Variants in SYT16 observed in about 807,000 individuals in gnomAD.
SYT16 encodes the protein synaptotagmin-16.
In SYT16, 42 loss-of-function variants were observed where a neutral mutation model predicts 61.4. That is an observed-to-expected ratio of 0.68 (90% CI 0.53 to 0.89). SYT16 has a LOEUF of 0.89. SYT16 is among the 40% of genes least tolerant of loss of function. The pLI is 0.00. For missense variants in SYT16, 804 were observed against 807.3 expected (o/e 1.00, Z 0.05); for synonymous variants, 314 against 302.3 (o/e 1.04, Z -0.40).
At chr14:61,833,970 A>ATTT (rs544826072) in intron 1 of SYT16, among the ~76,000 whole-genome samples, 10 of 117,306 alleles carry the variant, frequency 8.5e-5, no homozygotes, top group African/African-American at 2.2e-4. Context: ...TCTGGCTTTG[A>ATTT]TTTTTTTTTT....
intron 3 of SYT16, among the ~76,000 whole-genome samples, chr14:62,024,325 G>C (rs1289316394): frequency 2.0e-5 from 3 of 152,032 alleles, no homozygotes; most frequent in African/African-American, 7.2e-5. Flanking sequence ...TCAGCTCTAA[G>C]AGTTTAAAAT....
At chr14:61,939,715 G>A (rs2140446703) in intron 1 of SYT16, among the ~76,000 whole-genome samples, 1 of 152,248 alleles carries the variant, frequency 6.6e-6, no homozygotes, top group African/African-American at 2.4e-5. Flanking sequence ...CTAGGGGTTA[G>A]GATTTCAATC....
chr14:62,036,112 C>T (rs888100993), intron 3 of SYT16, among the ~76,000 whole-genome samples: 3 of 151,704 alleles, frequency 2.0e-5, no homozygotes, highest in African/African-American at 4.8e-5. Context: ...AAGCACAGGG[C>T]GTAGGAGGAA....
chr14:62,047,559 CA>C (rs2055050505), intron 3 of SYT16, among the ~76,000 whole-genome samples: 1 of 152,092 alleles, frequency 6.6e-6, no homozygotes, highest in Non-Finnish European at 1.5e-5. Flanking sequence ...TGCCAGTTTT[CA>C]AAGGGAATGC....
intron 5 of SYT16, among the ~76,000 whole-genome samples, chr14:62,079,116 T>C (rs185239895): frequency 1.6e-3 from 241 of 152,318 alleles, no homozygotes; most frequent in Non-Finnish European, 2.8e-3. Flanking sequence ...CAAGGGAGTT[T>C]GAGAGAAGAT....
intron 1 of SYT16, among the ~76,000 whole-genome samples, chr14:61,955,991 A>G (rs953155999): frequency 4.0e-5 from 6 of 151,672 alleles, no homozygotes; most frequent in Non-Finnish European, 8.8e-5. Context: ...TCTTTCTTTC[A>G]TAATGGTCAT....
chr14:62,063,735 A>G (rs1169066504), intron 3 of SYT16, among the ~76,000 whole-genome samples: 1 of 146,978 alleles, frequency 6.8e-6, no homozygotes, highest in Admixed American at 6.8e-5. Flanking sequence ...AGAGAGAGGA[A>G]CACTCTGGCT....
At chr14:62,035,894 A>C (rs745746875) in intron 3 of SYT16, among the ~76,000 whole-genome samples, 3 of 152,220 alleles carry the variant, frequency 2.0e-5, no homozygotes, top group Non-Finnish European at 2.9e-5. Flanking sequence ...CAACTACAGT[A>C]GGATGGGGCT....
At chr14:61,866,670 C>T (rs556783773) in intron 1 of SYT16, among the ~76,000 whole-genome samples, 10 of 152,136 alleles carry the variant, frequency 6.6e-5, no homozygotes, top group Non-Finnish European at 1.3e-4. Context: ...AGTTCTTTGT[C>T]AGATATGTAT....
At chr14:61,883,238 T>C (rs981309858) in intron 1 of SYT16, among the ~76,000 whole-genome samples, 2 of 152,264 alleles carry the variant, frequency 1.3e-5, no homozygotes, top group African/African-American at 4.8e-5. Flanking sequence ...TTTCTGCAGC[T>C]GGCTTGAATT....
At chr14:62,054,725 T>C (rs938498078) in intron 3 of SYT16, among the ~76,000 whole-genome samples, 2 of 152,206 alleles carry the variant, frequency 1.3e-5, no homozygotes, top group African/African-American at 4.8e-5. Flanking sequence ...GATATATTCA[T>C]TATAGAGTCG....
chr14:61,931,735 T>A (rs916201563), intron 1 of SYT16, among the ~76,000 whole-genome samples: 14 of 152,220 alleles, frequency 9.2e-5, no homozygotes, highest in African/African-American at 3.4e-4. Flanking sequence ...ACATCTAGGA[T>A]CATTTCCTTA....
In SYT16 at chr14:61,972,692, C is replaced by T. The variant is rs555269658; in HGVS notation, c.-145+2381C>T. ...AATTATCCTCAGAGTACTGATTTCT[C>T]AGTGAAGTTGGGATGTTCTTAACAT... On this transcript the variant is annotated intron_variant, in intron 2 of 7. Coordinates refer to ENST00000683842, the MANE Select transcript of SYT16 (RefSeq NM_001367656.1). 3.3e-5 allele frequency among the ~76,000 whole-genome samples: 5 copies of T among 152,284 alleles called. No homozygotes were observed. The South Asian group carries it at 1.0e-3, about 32-fold the overall frequency.
At position 62,080,842 on chromosome 14, in the gene SYT16, C is replaced by G; in HGVS notation, c.1002C>G (p.Asp334Glu). The change falls in exon 6 of 8, where the codon GAC (aspartate) becomes GAG (glutamate). Residue 334 changes from aspartate (D) to glutamate (E), a missense_variant. Coordinates refer to ENST00000683842, the MANE Select transcript of SYT16 (RefSeq NM_001367656.1). ...SSSMWSPEEQ[D>E]RTNLQVPSGV... is the part of the protein sequence containing the mutation. ...TCCTCTGCCTGCAACAGGAACAGGA[C>G]AGGACCAATTTGCAGGTGCCATCCG... The G allele has an allele frequency of 6.3e-7, 1 of 1,596,546 alleles. No homozygotes were observed.
At chr14:61,924,713 A>C (rs1160718827) in intron 1 of SYT16, among the ~76,000 whole-genome samples, 1 of 152,126 alleles carries the variant, frequency 6.6e-6, no homozygotes, top group Non-Finnish European at 1.5e-5. Flanking sequence ...AATATTCCTC[A>C]GTTTCTTATT....
chr14:61,815,034 C>A (rs901522979), intron 1 of SYT16, among the ~76,000 whole-genome samples: 2 of 152,208 alleles, frequency 1.3e-5, no homozygotes, highest in African/African-American at 4.8e-5. Context: ...AAGACCCTGA[C>A]ATCAGTATTT....
intron 2 of SYT16, among the ~76,000 whole-genome samples, chr14:61,991,358 G>GTGTGTGTA (rs1288997850): frequency 2.0e-5 from 3 of 151,764 alleles, no homozygotes; most frequent in East Asian, 3.9e-4. Flanking sequence ...GTGTGTGTGT[G>GTGTGTGTA]TGTGTTTTCT....
intron 3 of SYT16, among the ~76,000 whole-genome samples, chr14:62,068,820 G>A (rs1398796314): frequency 5.9e-5 from 9 of 151,958 alleles, no homozygotes; most frequent in Non-Finnish European, 1.0e-4. Flanking sequence ...TTTTGAGACA[G>A]TGTCTCACTC....
chr14:61,842,170 T>C (rs964185226), intron 1 of SYT16, among the ~76,000 whole-genome samples: 1 of 152,228 alleles, frequency 6.6e-6, no homozygotes, highest in Non-Finnish European at 1.5e-5. Context: ...ATTAATCCTT[T>C]GTGTTATAAA....
Sources: gnomAD v4.1 joint callset for allele counts (sites outside exome capture counted in the v4.1 genomes callset) on GRCh38, gnomAD v4.1.1 for gene constraint, MANE v1.5 for transcripts, NCBI Gene and HGNC (gene_info 2026-07-23, HGNC 2026-07-21) for gene names.